The following SLC4A4 variants were observed in gnomAD, a reference collection of about 807,000 sequenced individuals.
SLC4A4 encodes the protein solute carrier family 4 member 4, also known as electrogenic sodium bicarbonate cotransporter 1.
A neutral mutation model predicts 111.5 loss-of-function variants in SLC4A4; 27 were observed. The observed-to-expected ratio is 0.24, with a 90% confidence interval of 0.18 to 0.33. The LOEUF (loss-of-function observed/expected upper bound fraction) is 0.33. Among genes scored for constraint, SLC4A4 ranks in the 10% least tolerant of loss-of-function variants. The pLI is 1.00. For missense variants in SLC4A4, 909 were observed against 1,315.5 expected, an observed-to-expected ratio of 0.69 and a Z score of 4.78; for synonymous variants, 443 against 463.4, an observed-to-expected ratio of 0.96 and a Z score of 0.57.
At chr4:71,257,987 C>T (rs1051548769) in intron 3 of SLC4A4, among the ~76,000 whole-genome samples, 2 of 152,196 alleles carry the variant, frequency 1.3e-5, no homozygotes, top group African/African-American at 4.8e-5. Context: ...TGCATAGACA[C>T]TGCAGCAGTC....
intron 23 of SLC4A4, among the ~76,000 whole-genome samples, chr4:71,562,672 TA>T (rs1484292536): frequency 6.6e-6 from 1 of 151,834 alleles, no homozygotes; most frequent in Admixed American, 6.6e-5. Flanking sequence ...GTCTCCTGAA[TA>T]CAGCACACCG....
intron 16 of SLC4A4, among the ~76,000 whole-genome samples, chr4:71,531,845 G>C (rs1211837441): frequency 6.6e-6 from 1 of 150,488 alleles, no homozygotes; most frequent in Non-Finnish European, 1.5e-5. Flanking sequence ...AGCGCAACCT[G>C]TTCTTTGGGA....
chr4:71,459,720 A>G (rs1490190147), intron 12 of SLC4A4, among the ~76,000 whole-genome samples: 1 of 152,014 alleles, frequency 6.6e-6, no homozygotes, highest in African/African-American at 2.4e-5. Flanking sequence ...GGATGTGCTC[A>G]TTTTATTTTT....
chr4:71,079,715 G>T (rs554181900), intron 1 of SLC4A4, among the ~76,000 whole-genome samples: 1 of 151,618 alleles, frequency 6.6e-6, no homozygotes, highest in African/African-American at 2.4e-5. Context: ...GGTCAAGGCT[G>T]CAGTGAGCAG....
intron 15 of SLC4A4, among the ~76,000 whole-genome samples, chr4:71,492,031 A>T (rs985294872): frequency 6.6e-6 from 1 of 151,706 alleles, no homozygotes; most frequent in African/African-American, 2.4e-5. Context: ...TGATTCTAGG[A>T]ATTAACATTC....
Position 71,420,999 on chromosome 4 carries a change from T to G in SLC4A4, c.808-19617T>G, listed in dbSNP as rs1405896348. Among the ~76,000 whole-genome samples the G allele has an allele frequency of 2.0e-5, 3 of 148,322 alleles. No individual in the cohort carries two copies. The East Asian group carries it at 5.9e-4, about 29-fold the overall frequency. On this transcript the variant is annotated intron_variant, in intron 7 of 25. Coordinates refer to ENST00000264485, the MANE Select transcript of SLC4A4 (RefSeq NM_001098484.3). ...CACACATAACAATATTAACTTTAAA[T>G]GTAAATGGACTAAATGCTCCAATTA...
intron 2 of SLC4A4, among the ~76,000 whole-genome samples, chr4:71,160,000 A>T (rs978448945): frequency 6.6e-6 from 1 of 152,186 alleles, no homozygotes; most frequent in Non-Finnish European, 1.5e-5. Context: ...CTGTCATAAT[A>T]ATACCTAACA....
intron 12 of SLC4A4, among the ~76,000 whole-genome samples, chr4:71,459,701 A>G (rs1020270614): frequency 6.6e-6 from 1 of 152,182 alleles, no homozygotes; most frequent in East Asian, 1.9e-4. Flanking sequence ...TTCTAGCAGA[A>G]TGATAGCAGG....
chr4:71,541,709 G>C lies in SLC4A4; in HGVS notation c.2443-4641G>C, dbSNP rs190637763. On this transcript the variant is annotated intron_variant, in intron 18 of 25. Transcript: ENST00000264485. ...CAGTCTGGCAGCAGTGAGGATGGATGGGGGAGGAACAAGAGTGGAGGTGGG... is the reference window on the plus strand; with the variant it reads ...CAGTCTGGCAGCAGTGAGGATGGATCGGGGAGGAACAAGAGTGGAGGTGGG... 3.2e-3 allele frequency among the ~76,000 whole-genome samples: 482 copies of C among 151,872 alleles called. 5 individuals are homozygous for C. The highest frequency in any genetic ancestry group is 0.011 in the African/African-American group (446 of 41,392).
At chr4:71,304,356 G>A (rs527746121) in intron 3 of SLC4A4, among the ~76,000 whole-genome samples, 2 of 152,304 alleles carry the variant, frequency 1.3e-5, no homozygotes, top group African/African-American at 4.8e-5. Flanking sequence ...GAGTCTGAAA[G>A]CCCAAGAACC....
chr4:71,482,857 CAAGA>C (rs1729008276), intron 14 of SLC4A4, among the ~76,000 whole-genome samples: 1 of 151,484 alleles, frequency 6.6e-6, no homozygotes, highest in Non-Finnish European at 1.5e-5. Flanking sequence ...CTGTGTAAGA[CAAGA>C]AAGAATGCTG....
chr4:71,098,218 G>T (rs1327788003), intron 2 of SLC4A4, among the ~76,000 whole-genome samples: 9 of 152,036 alleles, frequency 5.9e-5, no homozygotes, highest in Non-Finnish European at 1.2e-4. Flanking sequence ...GTAAGGAAAG[G>T]GTCCAGTTTC....
At chr4:71,554,791 C>T (rs575683675) in intron 20 of SLC4A4, among the ~76,000 whole-genome samples, 1 of 151,854 alleles carries the variant, frequency 6.6e-6, no homozygotes, top group East Asian at 2.0e-4. Context: ...CTGTCTACCT[C>T]ACAGTCCATA....
chr4:71,255,541 G>A (rs1404519189), intron 3 of SLC4A4, 142 bp downstream of exon 3: 3 of 947,990 alleles, frequency 3.2e-6, no homozygotes, highest in Non-Finnish European at 5.1e-6. Context: ...GATAATGTCT[G>A]TGGAGATGCT....
rs145157913 is a variant in SLC4A4, at chr4:71,156,267, G to GT, written c.-2+63481dup. Among the ~76,000 whole-genome samples, 1,281 of 152,102 alleles carry GT rather than the reference G, an allele frequency of 8.4e-3. 18 individuals are homozygous for GT. Among genetic ancestry groups the GT allele is most frequent in the African/African-American group, 0.03 (1,230 of 41,494 alleles). On this transcript the variant is annotated intron_variant, in intron 2 of 26. Transcript: ENST00000649996. ...AGAAGTTTTGGTGAACCTCAGAAAG[G>GT]TTTTTTGATACCTGATCACAGTCTG...
At chr4:71,546,600 A>G in intron 19 of SLC4A4, 72 bp downstream of exon 19, 1 of 1,320,192 alleles carries the variant, frequency 7.6e-7, no homozygotes. Context: ...TCATAAGGAT[A>G]TGGGCAGATT....
intron 3 of SLC4A4, among the ~76,000 whole-genome samples, chr4:71,279,166 A>G (rs1723302730): frequency 1.3e-5 from 2 of 152,330 alleles, no homozygotes; most frequent in African/African-American, 4.8e-5. Flanking sequence ...GCTGTACGAT[A>G]GATCTCCAGA....
chr4:71,222,206 C>T (rs1188951252), intron 1 of SLC4A4, among the ~76,000 whole-genome samples: 1 of 152,176 alleles, frequency 6.6e-6, no homozygotes, highest in Non-Finnish European at 1.5e-5. Flanking sequence ...TCCAGCCCTC[C>T]TGACTCACTC....
At chr4:71,284,361 G>A (rs1723746259) in intron 3 of SLC4A4, among the ~76,000 whole-genome samples, 1 of 152,212 alleles carries the variant, frequency 6.6e-6, no homozygotes, top group African/African-American at 2.4e-5. Context: ...GGGCCAGAGA[G>A]CCAGTTGCTT....
Sources: allele counts gnomAD v4.1 joint callset (sites outside exome capture counted in the v4.1 genomes callset), GRCh38; gene constraint gnomAD v4.1.1; transcripts MANE v1.5; gene names NCBI Gene and HGNC (gene_info 2026-07-23, HGNC 2026-07-21).